FGF12: variants seen among roughly 807,000 people sequenced by gnomAD.
The protein encoded by FGF12 is fibroblast growth factor 12.
A neutral mutation model predicts 23.6 loss-of-function variants in FGF12; 14 were observed. The ratio of observed to expected loss-of-function variants is 0.59; its 90% CI spans 0.39 to 0.93. FGF12 has a LOEUF of 0.93. FGF12 is among the 40% of genes least tolerant of loss of function. The probability of loss-of-function intolerance (pLI) is 0.00; values close to 1 mark genes in which losing one functional copy is unlikely to be tolerated. For missense variants in FGF12, 175 were observed against 217.8 expected (o/e 0.80, Z 1.24); for synonymous variants, 62 against 77.3 (o/e 0.80, Z 1.04).
chr3:192,726,951 C>A, intron 2 of FGF12: 1 of 576,258 alleles, frequency 1.7e-6, no homozygotes. Flanking sequence ...AAACTCATCA[C>A]AGTTCACTAC....
chr3:192,204,569 T>C (rs1405146568), intron 4 of FGF12, among the ~76,000 whole-genome samples: 1 of 152,146 alleles, frequency 6.6e-6, no homozygotes, highest in Non-Finnish European at 1.5e-5. Context: ...GCAGGTCCCA[T>C]AATATCAGGA....
At chr3:192,385,865 G>A (rs1312917392) in intron 2 of FGF12, among the ~76,000 whole-genome samples, 1 of 152,172 alleles carries the variant, frequency 6.6e-6, no homozygotes, top group Non-Finnish European at 1.5e-5. Flanking sequence ...CCAGGCTCCA[G>A]GTAAACATGC....
At chr3:192,278,499 T>TCCCCC (rs1713938197) in intron 4 of FGF12, among the ~76,000 whole-genome samples, 1 of 152,178 alleles carries the variant, frequency 6.6e-6, no homozygotes, top group African/African-American at 2.4e-5. Flanking sequence ...CATCCTATAT[T>TCCCCC]TTGACTGAAC....
intron 5 of FGF12, among the ~76,000 whole-genome samples, chr3:192,164,935 G>A (rs59164461): frequency 1.8e-4 from 28 of 151,908 alleles, no homozygotes; most frequent in African/African-American, 5.1e-4. Context: ...AAATATTATC[G>A]AAAACTTTAT....
At chr3:192,572,965 TGAG>T (rs763736083) in intron 2 of FGF12, among the ~76,000 whole-genome samples, 1 of 151,890 alleles carries the variant, frequency 6.6e-6, no homozygotes, top group Non-Finnish European at 1.5e-5. Flanking sequence ...AGAGAGAAAA[TGAG>T]GGAAGAAGGG....
chr3:192,224,377 C>G (rs1718623700), intron 4 of FGF12, among the ~76,000 whole-genome samples: 1 of 152,058 alleles, frequency 6.6e-6, no homozygotes, highest in Non-Finnish European at 1.5e-5. Context: ...TTCCTTTTCT[C>G]TAGCCAATCC....
intron 2 of FGF12, among the ~76,000 whole-genome samples, chr3:192,649,144 C>G (rs1371242274): frequency 1.3e-5 from 2 of 152,122 alleles, no homozygotes; most frequent in Admixed American, 1.3e-4. Flanking sequence ...CTATAAGTAG[C>G]CATGATATGA....
chr3:192,667,420 A>G lies in FGF12; in HGVS notation c.13+59761T>C, dbSNP rs1716926078. The stretch of plus-strand genomic sequence containing the variant: ...GGAATTGGAGACCAGGCTGGTCAAT[A>G]TGGTGAAACCCTGTCTCTACCAAAA... On this transcript the variant is annotated intron_variant, in intron 2 of 5. Transcript: ENST00000445105. Among the ~76,000 whole-genome samples the G allele has an allele frequency of 2.6e-5, 4 of 151,782 alleles. No individual in the cohort carries two copies. The South Asian group carries it at 8.3e-4, about 32-fold the overall frequency.
chr3:192,399,810 T>C lies in FGF12; in HGVS notation c.14-39272A>G, dbSNP rs147008127. On this transcript the variant is annotated intron_variant, in intron 2 of 5. Coordinates refer to ENST00000445105, the MANE Select transcript of FGF12 (RefSeq NM_004113.6). ...CAGCATACAGATCCTATTTGACCCA[T>C]GTCATTCTTTACTTCTAGGGAACCA... Among the ~76,000 whole-genome samples, 877 of 152,344 alleles carry C rather than the reference T, an allele frequency of 5.8e-3. 6 individuals carry two copies. The highest frequency in any genetic ancestry group is 0.019 in the South Asian group (90 of 4,826).
At chr3:192,512,249 A>G (rs1055217293) in intron 2 of FGF12, among the ~76,000 whole-genome samples, 1 of 151,906 alleles carries the variant, frequency 6.6e-6, no homozygotes, top group Non-Finnish European at 1.5e-5. Flanking sequence ...TTGCTCTGTG[A>G]AAAAAAATGT....
intron 4 of FGF12, among the ~76,000 whole-genome samples, chr3:192,173,833 T>A (rs1715711214): frequency 6.6e-6 from 1 of 152,236 alleles, no homozygotes; most frequent in African/African-American, 2.4e-5. Flanking sequence ...CCTTCTTCCT[T>A]ATGAATGTAC....
chr3:192,186,285 A>G (rs897685679), intron 4 of FGF12, among the ~76,000 whole-genome samples: 1 of 152,232 alleles, frequency 6.6e-6, no homozygotes, highest in Admixed American at 6.5e-5. Context: ...TTACATGTGA[A>G]TCACTTAAGA....
At chr3:192,330,308 G>A (rs555010247) in intron 4 of FGF12, among the ~76,000 whole-genome samples, 4 of 152,016 alleles carry the variant, frequency 2.6e-5, no homozygotes, top group Non-Finnish European at 5.9e-5. Context: ...GCTGTAGGTC[G>A]CACACCTTCT....
intron 2 of FGF12, among the ~76,000 whole-genome samples, chr3:192,462,571 T>A (rs889219740): frequency 6.6e-6 from 1 of 152,182 alleles, no homozygotes; most frequent in Non-Finnish European, 1.5e-5. Context: ...AAATTTATTT[T>A]CTTTATAAAT....
At chr3:192,521,981 G>T (rs1724824492) in intron 2 of FGF12, among the ~76,000 whole-genome samples, 1 of 152,038 alleles carries the variant, frequency 6.6e-6, no homozygotes. Context: ...GGCGGATCAC[G>T]AGGTCAGGAG....
chr3:192,399,697 G>C, intron 2 of FGF12, among the ~76,000 whole-genome samples: 1 of 152,158 alleles, frequency 6.6e-6, no homozygotes, highest in Non-Finnish European at 1.5e-5. Context: ...GCATTAGTAC[G>C]TTTAAAAACT....
At chr3:192,521,983 G>A (rs1393592976) in intron 2 of FGF12, among the ~76,000 whole-genome samples, 3 of 152,090 alleles carry the variant, frequency 2.0e-5, no homozygotes, top group Non-Finnish European at 4.4e-5. Context: ...CGGATCACGA[G>A]GTCAGGAGAT....
intron 4 of FGF12, among the ~76,000 whole-genome samples, chr3:192,214,072 C>T (rs188917223): frequency 1.6e-4 from 24 of 152,328 alleles, no homozygotes; most frequent in African/African-American, 5.3e-4. Context: ...GAATGCCAAA[C>T]TGAATTAGGT....
chr3:192,324,654 C>A (rs967226414), intron 4 of FGF12, among the ~76,000 whole-genome samples: 1 of 152,178 alleles, frequency 6.6e-6, no homozygotes, highest in East Asian at 1.9e-4. Flanking sequence ...ATGATTCAAA[C>A]ACAGTTTTAT....
Sources: allele counts gnomAD v4.1 joint callset (sites outside exome capture counted in the v4.1 genomes callset), GRCh38; gene constraint gnomAD v4.1.1; transcripts MANE v1.5; gene names NCBI Gene and HGNC (gene_info 2026-07-23, HGNC 2026-07-21).